The following RGSL1 variants were observed in gnomAD, a reference collection of about 807,000 sequenced individuals.
The protein encoded by RGSL1 is regulator of G protein signaling like 1, also known as regulator of G protein signaling protein-like.
A neutral mutation model predicts 124.7 loss-of-function variants in RGSL1; 97 were observed. That is an observed-to-expected ratio of 0.78 (90% confidence interval 0.66 to 0.92). RGSL1 has a LOEUF of 0.92. Ranked by LOEUF, RGSL1 falls within the 40% of genes least tolerant of loss-of-function variation. The probability of loss-of-function intolerance (pLI) is 0.00; values close to 1 mark genes in which losing one functional copy is unlikely to be tolerated. For synonymous variants in RGSL1, 424 were observed against 438.1 expected, an observed-to-expected ratio of 0.97 and a Z score of 0.40; for missense variants, 1,233 against 1,288.4, an observed-to-expected ratio of 0.96 and a Z score of 0.66.
rs569488586 is a variant in RGSL1, at chr1:182,451,143, C to CAAAAA, written c.13+980_13+984dup. Among the ~76,000 whole-genome samples, 602 of 105,036 alleles carry CAAAAA rather than the reference C, an allele frequency of 5.7e-3. 7 individuals carry two copies. Among genetic ancestry groups the CAAAAA allele is most frequent in the African/African-American group, 0.018 (501 of 28,012 alleles). 68.9% of individuals were successfully genotyped at this position (105,036 alleles called of 152,430 possible). On this transcript the variant is annotated intron_variant, in intron 1 of 21. Transcript: ENST00000294854. ...CCTGGGTGACGGAGTGAGACTTTGG[C>CAAAAA]AAAAAAAAAAAAAAAAAAAGATTGA...
At chr1:182,489,477 AG>A (rs1239285540) in intron 8 of RGSL1, among the ~76,000 whole-genome samples, 3 of 152,210 alleles carry the variant, frequency 2.0e-5, no homozygotes, top group Non-Finnish European at 2.9e-5. Flanking sequence ...AGAGTGCTCA[AG>A]TGTAGCTAGA....
At chr1:182,497,081 G>T (rs990345077) in intron 9 of RGSL1, among the ~76,000 whole-genome samples, 1 of 152,068 alleles carries the variant, frequency 6.6e-6, no homozygotes, top group Non-Finnish European at 1.5e-5. Context: ...CAGAGTAGAT[G>T]ATTTGGGGCC....
chr1:182,530,038 A>G (rs1026157445), intron 11 of RGSL1, among the ~76,000 whole-genome samples: 7 of 152,170 alleles, frequency 4.6e-5, no homozygotes, highest in South Asian at 2.1e-4. Context: ...AAATGAGGAA[A>G]GTATTTAGTT....
At chr1:182,537,758 G>T (rs558926927) in intron 14 of RGSL1, among the ~76,000 whole-genome samples, 1 of 151,220 alleles carries the variant, frequency 6.6e-6, no homozygotes, top group South Asian at 2.1e-4. Flanking sequence ...CACTATTTCT[G>T]CTTCTGTGTG....
At chr1:182,487,846 GTGTT>G (rs755480623) in intron 6 of RGSL1, among the ~76,000 whole-genome samples, 7 of 152,298 alleles carry the variant, frequency 4.6e-5, no homozygotes, top group East Asian at 1.9e-4. Context: ...TTATTGTTGT[GTGTT>G]TGTTTGTTTT....
intron 9 of RGSL1, among the ~76,000 whole-genome samples, chr1:182,517,380 T>C (rs1219729805): frequency 6.6e-6 from 1 of 151,968 alleles, no homozygotes; most frequent in Non-Finnish European, 1.5e-5. Context: ...TGTTTGGTGT[T>C]CTCTGACCTT....
chr1:182,486,752 T>G (rs1183159338), intron 6 of RGSL1, among the ~76,000 whole-genome samples: 2 of 152,226 alleles, frequency 1.3e-5, no homozygotes, highest in Non-Finnish European at 2.9e-5. Context: ...CTTAGCTCAC[T>G]GCAACCTCCG....
At chr1:182,515,089 G>C (rs1657760867) in intron 9 of RGSL1, among the ~76,000 whole-genome samples, 1 of 152,186 alleles carries the variant, frequency 6.6e-6, no homozygotes, top group African/African-American at 2.4e-5. Context: ...CCGAGTCCCA[G>C]CAACCATGGC....
At chr1:182,510,761 C>T (rs1312039930) in intron 9 of RGSL1, among the ~76,000 whole-genome samples, 1 of 151,188 alleles carries the variant, frequency 6.6e-6, no homozygotes, top group East Asian at 1.9e-4. Context: ...AGAGCTTTTG[C>T]CCATTTTTAA....
chr1:182,458,375 A>G lies in RGSL1; in HGVS notation c.153A>G (p.Pro51=). ...AAAATTCACAGTGGAGCTTGTGGCCAGAAATACCTTGTAACTTGGTGAGTA... is the reference window on the plus strand; with the variant it reads ...AAAATTCACAGTGGAGCTTGTGGCCGGAAATACCTTGTAACTTGGTGAGTA... ...TVENSQWSLW[P]EIPCNLIAKY... The change falls in exon 3 of 22, where the codon CCA becomes CCG. Residue 51 remains proline (P), a synonymous_variant. Transcript: ENST00000294854. 1 of 1,552,110 alleles carries G rather than the reference A, an allele frequency of 6.4e-7. No homozygotes were observed. The highest frequency in any genetic ancestry group is 8.7e-7 in the Non-Finnish European group (1 of 1,147,042).
chr1:182,482,125 A>G (rs1235044177), intron 6 of RGSL1, among the ~76,000 whole-genome samples: 1 of 152,218 alleles, frequency 6.6e-6, no homozygotes, highest in Admixed American at 6.5e-5. Flanking sequence ...ACAGAATTAG[A>G]GGTAAAAATC....
chr1:182,511,865 T>C (rs2102200750), intron 9 of RGSL1, among the ~76,000 whole-genome samples: 1 of 152,338 alleles, frequency 6.6e-6, no homozygotes, highest in African/African-American at 2.4e-5. Flanking sequence ...CTTCCAGTCA[T>C]GAGCATGGAG....
In RGSL1 at chr1:182,510,560, C is replaced by G. The variant is rs1228672401; in HGVS notation, c.1826-11444C>G. On this transcript the variant is annotated intron_variant, in intron 9 of 21. Transcript: ENST00000294854. ...GCACGTGCCTGCAATCGCAGGCACT[C>G]GGCAGGCTGAGGCAGGAGAATCAGG... is the stretch of plus-strand genomic sequence containing the variant. Among the ~76,000 whole-genome samples, 33 of 56,980 alleles carry G rather than the reference C, an allele frequency of 5.8e-4. 6 individuals carry two copies. Among genetic ancestry groups the G allele is most frequent in the Non-Finnish European group, 9.8e-4 (25 of 25,416 alleles). The allele number at this position is 56,980 out of a possible 152,430, so 37.4% of individuals were successfully genotyped here.
At chr1:182,455,546 C>T (rs1405257637) in intron 2 of RGSL1, among the ~76,000 whole-genome samples, 2 of 151,552 alleles carry the variant, frequency 1.3e-5, no homozygotes, top group Non-Finnish European at 2.9e-5. Context: ...TGCACCACTG[C>T]ACTCCAGCCT....
At chr1:182,540,883 A>G (rs1659849489) in intron 15 of RGSL1, among the ~76,000 whole-genome samples, 1 of 152,178 alleles carries the variant, frequency 6.6e-6, no homozygotes, top group Non-Finnish European at 1.5e-5. Context: ...TTTTTTATGT[A>G]AAGCCAAAGT....
chr1:182,452,467 T>C (rs1365699392), intron 1 of RGSL1, among the ~76,000 whole-genome samples: 1 of 151,842 alleles, frequency 6.6e-6, no homozygotes, highest in Non-Finnish European at 1.5e-5. Flanking sequence ...TTTTTTTTTT[T>C]TTTGAGACAG....
chr1:182,508,749 G>A (rs1031506818), intron 9 of RGSL1, among the ~76,000 whole-genome samples: 73 of 136,056 alleles, frequency 5.4e-4, no homozygotes, highest in Non-Finnish European at 9.9e-4. Context: ...GATTTGGCAG[G>A]GTCATGGGAC....
intron 4 of RGSL1, among the ~76,000 whole-genome samples, chr1:182,462,695 A>G (rs947377387): frequency 1.1e-4 from 17 of 152,228 alleles, no homozygotes; most frequent in African/African-American, 3.9e-4. Flanking sequence ...ATTTTGTGAC[A>G]TCAACAACCA....
chr1:182,485,574 C>G (rs1227768028), intron 6 of RGSL1, among the ~76,000 whole-genome samples: 1 of 152,160 alleles, frequency 6.6e-6, no homozygotes, highest in African/African-American at 2.4e-5. Flanking sequence ...GATCTTTTAT[C>G]AGACACATAT....
Sources: allele counts gnomAD v4.1 joint callset (sites outside exome capture counted in the v4.1 genomes callset), GRCh38; gene constraint gnomAD v4.1.1; transcripts MANE v1.5; gene names NCBI Gene and HGNC (gene_info 2026-07-23, HGNC 2026-07-21).